PTPRG: variants seen among roughly 807,000 people sequenced by gnomAD.
PTPRG encodes the protein receptor-type tyrosine-protein phosphatase gamma.
In PTPRG, 102 loss-of-function variants were observed where a neutral mutation model predicts 165.3. That is an observed-to-expected ratio of 0.62 (90% CI 0.53 to 0.73). PTPRG has a LOEUF of 0.73. Among genes scored for constraint, PTPRG ranks in the 30% least tolerant of loss-of-function variants. The probability of loss-of-function intolerance (pLI) is 0.00; values close to 1 mark genes in which losing one functional copy is unlikely to be tolerated. For synonymous variants in PTPRG, 675 were observed against 669.5 expected (o/e 1.01, Z -0.13); for missense variants, 1,866 against 1,861.4 (o/e 1.00, Z -0.05).
intron 28 of PTPRG, among the ~76,000 whole-genome samples, chr3:62,291,695 C>T (rs889894117): frequency 3.3e-5 from 5 of 152,164 alleles, no homozygotes; most frequent in African/African-American, 1.2e-4. Flanking sequence ...CCAGCAACAT[C>T]ATCTTGAACA....
chr3:61,738,279 CATATATATATATATATATATAT>C, intron 1 of PTPRG, among the ~76,000 whole-genome samples: 1 of 15,500 alleles, frequency 6.5e-5, no homozygotes, highest in South Asian at 2.0e-3. Context: ...TATATATATA[CATATATATATATATATATATAT>C]ATATATATAT....
intron 28 of PTPRG, among the ~76,000 whole-genome samples, chr3:62,290,784 T>A (rs190422865): frequency 3.1e-3 from 471 of 152,234 alleles, no homozygotes; most frequent in South Asian, 5.0e-3. Context: ...AAGACTCAGA[T>A]GAATTAGACA....
At chr3:61,603,754 C>T (rs1391398960) in intron 1 of PTPRG, among the ~76,000 whole-genome samples, 3 of 152,178 alleles carry the variant, frequency 2.0e-5, no homozygotes, top group African/African-American at 7.2e-5. Context: ...CAATCCTTGG[C>T]ATTCCTTGCC....
intron 8 of PTPRG, among the ~76,000 whole-genome samples, chr3:62,191,003 G>A (rs114677859): frequency 6.6e-6 from 1 of 152,342 alleles, no homozygotes; most frequent in East Asian, 1.9e-4. Context: ...GTATCTAGAG[G>A]AGAAGCGTCA....
intron 2 of PTPRG, among the ~76,000 whole-genome samples, chr3:61,944,802 G>C (rs573594092): frequency 1.7e-4 from 26 of 152,300 alleles, no homozygotes; most frequent in Non-Finnish European, 3.2e-4. Context: ...TGTAGCATTT[G>C]TCTGTATAAT....
chr3:61,995,947 G>A (rs1461329929), intron 3 of PTPRG, among the ~76,000 whole-genome samples: 2 of 151,568 alleles, frequency 1.3e-5, no homozygotes, highest in African/African-American at 4.9e-5. Context: ...ATTCTCTCCC[G>A]CATTTCCTCC....
intron 6 of PTPRG, among the ~76,000 whole-genome samples, chr3:62,135,643 A>C (rs930170624): frequency 2.6e-5 from 4 of 152,148 alleles, no homozygotes; most frequent in Non-Finnish European, 5.9e-5. Flanking sequence ...GTCCTCTCTT[A>C]AGCAGACGCC....
chr3:61,993,384 A>G (rs537598750), intron 3 of PTPRG, among the ~76,000 whole-genome samples: 4 of 151,770 alleles, frequency 2.6e-5, no homozygotes, highest in Non-Finnish European at 5.9e-5. Context: ...CACCCGGCTA[A>G]TTTTTTATAT....
At chr3:61,667,562 G>A (rs561324644) in intron 1 of PTPRG, among the ~76,000 whole-genome samples, 1 of 152,210 alleles carries the variant, frequency 6.6e-6, no homozygotes, top group African/African-American at 2.4e-5. Context: ...CTATGAGGGA[G>A]GCTCTATTAG....
intron 2 of PTPRG, among the ~76,000 whole-genome samples, chr3:61,762,428 G>A (rs944891093): frequency 6.6e-6 from 1 of 151,980 alleles, no homozygotes; most frequent in Non-Finnish European, 1.5e-5. Flanking sequence ...CCTGGCCAAC[G>A]TGGTGAAACC....
rs151089702 is a variant in PTPRG at position 61,941,046 on chromosome 3, C to A, written c.191-48579C>A. Among the ~76,000 whole-genome samples, 68 of 152,316 alleles carry A rather than the reference C, an allele frequency of 4.5e-4. 1 individual carries two copies. The East Asian group carries it at 0.012, about 27-fold the overall frequency. ...CCCAACAGCAGCCATTACTTATTGA[C>A]TCTTCTTAGGCAAGTTAATTTACAG... is the stretch of plus-strand genomic sequence containing the variant. On this transcript the variant is annotated intron_variant, in intron 2 of 29. Transcript: ENST00000474889.
intron 2 of PTPRG, among the ~76,000 whole-genome samples, chr3:61,884,889 C>T (rs1376842147): frequency 6.6e-6 from 1 of 152,056 alleles, no homozygotes; most frequent in Non-Finnish European, 1.5e-5. Context: ...TTAAAATTCC[C>T]CTAGCAAAAG....
intron 2 of PTPRG, among the ~76,000 whole-genome samples, chr3:61,865,173 G>A (rs909158599): frequency 6.6e-6 from 1 of 152,114 alleles, no homozygotes; most frequent in Non-Finnish European, 1.5e-5. Flanking sequence ...GGAGAGAAAT[G>A]CCTTGGATAT....
chr3:62,117,570 C>T (rs566103093), intron 5 of PTPRG, among the ~76,000 whole-genome samples: 25 of 152,214 alleles, frequency 1.6e-4, no homozygotes, highest in African/African-American at 4.6e-4. Flanking sequence ...GAAGCCTCCC[C>T]GGTTGGTAAC....
chr3:62,017,541 G>C (rs939910768), intron 4 of PTPRG, among the ~76,000 whole-genome samples: 1 of 150,696 alleles, frequency 6.6e-6, no homozygotes, highest in East Asian at 2.0e-4. Flanking sequence ...TCAGCCTCCC[G>C]AGTAGCTGGG....
At chr3:61,987,637 ATATGATAT>A (rs948201016) in intron 2 of PTPRG, among the ~76,000 whole-genome samples, 1 of 152,172 alleles carries the variant, frequency 6.6e-6, no homozygotes, top group African/African-American at 2.4e-5. Flanking sequence ...ATACATACAC[ATATGATAT>A]TATGATATTA....
intron 2 of PTPRG, among the ~76,000 whole-genome samples, chr3:61,917,523 T>C (rs1436534043): frequency 6.6e-6 from 1 of 152,198 alleles, no homozygotes; most frequent in African/African-American, 2.4e-5. Context: ...ACACAGGCGT[T>C]ATCTTAATGT....
chr3:62,163,416 G>A (rs1202004121), intron 7 of PTPRG, among the ~76,000 whole-genome samples: 4 of 151,876 alleles, frequency 2.6e-5, no homozygotes, highest in African/African-American at 9.7e-5. Flanking sequence ...CATGTAATAG[G>A]CACTCAGCAA....
chr3:61,603,156 C>T (rs576365938), intron 1 of PTPRG, among the ~76,000 whole-genome samples: 1 of 152,294 alleles, frequency 6.6e-6, no homozygotes, highest in South Asian at 2.1e-4. Context: ...TAAGTGTTTA[C>T]CAAACCACCA....
Sources: allele counts gnomAD v4.1 joint callset (sites outside exome capture counted in the v4.1 genomes callset), GRCh38; gene constraint gnomAD v4.1.1; transcripts MANE v1.5; gene names NCBI Gene and HGNC (gene_info 2026-07-23, HGNC 2026-07-21).